The following CCDC178 variants were observed in gnomAD, a reference collection of about 807,000 sequenced individuals.
CCDC178 encodes the protein coiled-coil domain-containing protein 178.
In CCDC178, 126 loss-of-function variants were observed where a neutral mutation model predicts 117.4. The observed-to-expected ratio is 1.07, with a 90% CI of 0.93 to 1.24. The LOEUF is 1.24. Among genes scored for constraint, CCDC178 ranks in the 50% most tolerant of loss-of-function variants. The pLI is 0.00. For missense variants in CCDC178, 1,030 were observed against 986.9 expected, an observed-to-expected ratio of 1.04 and a Z score of -0.59; for synonymous variants, 283 against 313.4, an observed-to-expected ratio of 0.90 and a Z score of 1.02.
chr18:33,051,661 T>C (rs546216427), intron 21 of CCDC178, among the ~76,000 whole-genome samples: 6 of 152,312 alleles, frequency 3.9e-5, no homozygotes, highest in African/African-American at 1.2e-4. Context: ...AGCAAACAAA[T>C]ATAGCTCGAC....
At chr18:32,939,833 T>TTATATCTATATAAAG (rs2054199060) in intron 22 of CCDC178, among the ~76,000 whole-genome samples, 1 of 152,106 alleles carries the variant, frequency 6.6e-6, no homozygotes, top group Admixed American at 6.5e-5. Context: ...TCCGAAATGT[T>TTATATCTATATAAAG]TGGGTCTTTA....
intron 12 of CCDC178, among the ~76,000 whole-genome samples, chr18:33,290,883 T>C (rs2060158241): frequency 6.6e-6 from 1 of 152,096 alleles, no homozygotes; most frequent in Admixed American, 6.6e-5. Flanking sequence ...TTGTAACAAC[T>C]TGTTTTCTAT....
intron 20 of CCDC178, among the ~76,000 whole-genome samples, chr18:33,151,967 C>T (rs961425220): frequency 2.0e-5 from 3 of 152,102 alleles, no homozygotes; most frequent in Non-Finnish European, 2.9e-5. Flanking sequence ...AAAGAAATTA[C>T]GTATAAAGTA....
chr18:33,179,471 A>G (rs559553535), intron 20 of CCDC178, among the ~76,000 whole-genome samples: 15 of 151,872 alleles, frequency 9.9e-5, no homozygotes, highest in Non-Finnish European at 1.8e-4. Context: ...TTATCTGTAT[A>G]TCATTCTTCT....
chr18:33,220,637 G>T (rs2059221173), intron 18 of CCDC178, among the ~76,000 whole-genome samples: 1 of 152,074 alleles, frequency 6.6e-6, no homozygotes. Flanking sequence ...TCACAGGGTT[G>T]CTGTGAGAAT....
intron 12 of CCDC178, among the ~76,000 whole-genome samples, chr18:33,272,770 T>C (rs2144790007): frequency 6.6e-6 from 1 of 151,690 alleles, no homozygotes; most frequent in Middle Eastern, 3.4e-3. Context: ...ATAAACACCA[T>C]ATTAATATGA....
chr18:33,386,707 G>A (rs970792564), intron 5 of CCDC178, among the ~76,000 whole-genome samples: 12 of 152,002 alleles, frequency 7.9e-5, no homozygotes, highest in African/African-American at 2.9e-4. Context: ...GGTATTGAAG[G>A]AACATACCTC....
intron 20 of CCDC178, among the ~76,000 whole-genome samples, chr18:33,194,346 G>C (rs2058899261): frequency 2.0e-5 from 3 of 152,142 alleles, no homozygotes; most frequent in Non-Finnish European, 1.5e-5. Flanking sequence ...GTCAGGATTA[G>C]AACTGAGAGC....
intron 6 of CCDC178, among the ~76,000 whole-genome samples, chr18:33,363,089 T>C (rs1365337634): frequency 6.6e-6 from 1 of 151,996 alleles, no homozygotes; most frequent in Non-Finnish European, 1.5e-5. Flanking sequence ...TCTCAATTGT[T>C]CTGTAGGTCT....
chr18:33,002,640 G>A (rs1011604297), intron 21 of CCDC178, among the ~76,000 whole-genome samples: 1 of 151,392 alleles, frequency 6.6e-6, no homozygotes, highest in Non-Finnish European at 1.5e-5. Flanking sequence ...AAAAGCAAGA[G>A]CAAACCAAAT....
At chr18:32,986,831 T>C (rs2055273901) in intron 21 of CCDC178, among the ~76,000 whole-genome samples, 1 of 152,088 alleles carries the variant, frequency 6.6e-6, no homozygotes, top group South Asian at 2.1e-4. Flanking sequence ...ATTATGTATG[T>C]CTGAAGTTCA....
chr18:33,261,607 T>C (rs551723617), intron 14 of CCDC178, among the ~76,000 whole-genome samples: 158 of 152,320 alleles, frequency 1.0e-3, no homozygotes, highest in African/African-American at 3.5e-3. Flanking sequence ...ATTTCTGTTT[T>C]CTAGCTATCT....
At chr18:33,263,530 C>G (rs987631168) in intron 14 of CCDC178, among the ~76,000 whole-genome samples, 1 of 151,910 alleles carries the variant, frequency 6.6e-6, no homozygotes, top group Non-Finnish European at 1.5e-5. Context: ...GATCAAAACT[C>G]ATAATTAGTT....
intron 22 of CCDC178, among the ~76,000 whole-genome samples, chr18:32,966,097 A>G (rs560838332): frequency 3.2e-4 from 48 of 151,672 alleles, no homozygotes; most frequent in African/African-American, 1.1e-3. Context: ...AAAAATGTTT[A>G]CTCTATAATG....
At chr18:33,045,078 T>A (rs1390260552) in intron 21 of CCDC178, among the ~76,000 whole-genome samples, 5 of 152,068 alleles carry the variant, frequency 3.3e-5, no homozygotes, top group African/African-American at 1.2e-4. Flanking sequence ...CAGGTGATGG[T>A]TTCAGTAAAA....
At chr18:33,309,339 A>C (rs1296849953) in intron 11 of CCDC178, among the ~76,000 whole-genome samples, 3 of 152,170 alleles carry the variant, frequency 2.0e-5, no homozygotes, top group Non-Finnish European at 4.4e-5. Flanking sequence ...ATGGCCAATA[A>C]AAAATAATGA....
At chr18:33,099,992 C>G (rs1475584468) in intron 20 of CCDC178, among the ~76,000 whole-genome samples, 1 of 151,922 alleles carries the variant, frequency 6.6e-6, no homozygotes, top group East Asian at 1.9e-4. Context: ...ACAAAATGCT[C>G]TCTATTCACT....
At chr18:33,361,510 A>T (rs942393702) in intron 6 of CCDC178, among the ~76,000 whole-genome samples, 1 of 151,894 alleles carries the variant, frequency 6.6e-6, no homozygotes, top group Middle Eastern at 3.4e-3. Context: ...AAACTAAAAA[A>T]AAATGAAAAG....
intron 21 of CCDC178, among the ~76,000 whole-genome samples, chr18:33,044,583 T>G (rs12967275): frequency 0.19 from 29,041 of 151,926 alleles, 3,009 homozygotes; most frequent in East Asian, 0.36. Flanking sequence ...GGTGGGAATG[T>G]AAACTAATAC....
Sources: gnomAD v4.1 joint callset for allele counts (sites outside exome capture counted in the v4.1 genomes callset) on GRCh38, gnomAD v4.1.1 for gene constraint, MANE v1.5 for transcripts, NCBI Gene and HGNC (gene_info 2026-07-23, HGNC 2026-07-21) for gene names.